The following ABL1 variants were observed in gnomAD, a reference collection of about 807,000 sequenced individuals.
ABL1 encodes tyrosine-protein kinase ABL1.
ABL1 carries 11 observed loss-of-function variants against 94.7 expected under a neutral mutation model. The observed-to-expected ratio is 0.12, with a 90% CI of 0.07 to 0.19. The LOEUF is 0.19. Ranked by LOEUF, ABL1 falls within the 10% of genes least tolerant of loss-of-function variation. ABL1 has a pLI of 1.00. For missense variants in ABL1, 1,082 were observed against 1,489.4 expected, an observed-to-expected ratio of 0.73 and a Z score of 4.50; for synonymous variants, 656 against 622.4, an observed-to-expected ratio of 1.05 and a Z score of -0.80.
intron 4 of ABL1, among the ~76,000 whole-genome samples, chr9:130,871,348 G>T: frequency 6.6e-6 from 1 of 152,218 alleles, no homozygotes; most frequent in East Asian, 1.9e-4. Flanking sequence ...CTTGACCCCA[G>T]ACTGAAAAGA....
chr9:130,746,335 A>G (rs532951311), intron 1 of ABL1, among the ~76,000 whole-genome samples: 35 of 151,804 alleles, frequency 2.3e-4, no homozygotes, highest in Non-Finnish European at 4.7e-4. Context: ...GACTTTTTCA[A>G]TGTATGGTTT....
intron 1 of ABL1, among the ~76,000 whole-genome samples, chr9:130,815,239 C>G (rs1830268500): frequency 6.6e-6 from 1 of 152,160 alleles, no homozygotes; most frequent in Non-Finnish European, 1.5e-5. Flanking sequence ...GAGGCTGAGG[C>G]AGGAGAATCG....
intron 1 of ABL1, among the ~76,000 whole-genome samples, chr9:130,716,616 C>T (rs1428144174): frequency 1.3e-5 from 2 of 152,058 alleles, no homozygotes; most frequent in East Asian, 3.9e-4. Context: ...GCCATTTTTA[C>T]TTGAAACTAT....
At chr9:130,790,813 T>A (rs548698655) in intron 1 of ABL1, among the ~76,000 whole-genome samples, 2 of 152,018 alleles carry the variant, frequency 1.3e-5, no homozygotes, top group Admixed American at 6.6e-5. Context: ...AAAAGGCCCA[T>A]GCAAGTCCTG....
chr9:130,732,714 G>A (rs935234110), intron 1 of ABL1, among the ~76,000 whole-genome samples: 77 of 151,962 alleles, frequency 5.1e-4, no homozygotes, highest in Admixed American at 1.6e-3. Context: ...GTAAAATCCC[G>A]GGGGTCTGGT....
chr9:130,740,165 AT>A (rs1231406225), intron 1 of ABL1, among the ~76,000 whole-genome samples: 3 of 152,234 alleles, frequency 2.0e-5, no homozygotes, highest in African/African-American at 7.2e-5. Flanking sequence ...CAATGCTCAG[AT>A]TCGCCATTTA....
At chr9:130,873,484 T>C (rs1367018530) in intron 6 of ABL1, among the ~76,000 whole-genome samples, 1 of 152,228 alleles carries the variant, frequency 6.6e-6, no homozygotes, top group African/African-American at 2.4e-5. Context: ...AACCAGTACA[T>C]GGCTTTTGTT....
chr9:130,875,829 T>TCTTCTC (rs1317256214), intron 7 of ABL1, among the ~76,000 whole-genome samples: 2 of 152,016 alleles, frequency 1.3e-5, no homozygotes, highest in Non-Finnish European at 2.9e-5. Flanking sequence ...TCCCCTCCTC[T>TCTTCTC]CTTCTCCTTC....
chr9:130,796,403 TG>T (rs1381107197), intron 1 of ABL1, among the ~76,000 whole-genome samples: 1 of 152,024 alleles, frequency 6.6e-6, no homozygotes. Context: ...CCCAGCTACT[TG>T]GAAGGCTGAG....
chr9:130,862,363 A>C lies in ABL1; in HGVS notation c.550-400A>C, dbSNP rs931504654. Reference sequence around the variant, plus strand: ...GAAATTATGAGCTAGTAGTGGGTCCATTGCTGAGAAGTAAGACAGGTGGTA... The same window carrying C: ...GAAATTATGAGCTAGTAGTGGGTCCCTTGCTGAGAAGTAAGACAGGTGGTA... On this transcript the variant is annotated intron_variant, in intron 3 of 10. Coordinates refer to ENST00000318560, the MANE Select transcript of ABL1 (RefSeq NM_005157.6). The surrounding 1 kb of genome is among the most constrained non-coding windows in gnomAD (Gnocchi z 5.5). 5.9e-5 allele frequency among the ~76,000 whole-genome samples: 9 copies of C among 152,184 alleles called. No homozygotes were observed. The highest frequency in any genetic ancestry group is 2.2e-4 in the African/African-American group (9 of 41,434).
At chr9:130,776,568 C>T (rs1233772613) in intron 1 of ABL1, among the ~76,000 whole-genome samples, 1 of 123,486 alleles carries the variant, frequency 8.1e-6, no homozygotes, top group African/African-American at 3.3e-5. Flanking sequence ...CAAAGTGAGA[C>T]TCTATCTCAA....
chr9:130,833,415 T>G (rs1830517200), upstream of ABL1, among the ~76,000 whole-genome samples: 1 of 152,298 alleles, frequency 6.6e-6, no homozygotes, highest in South Asian at 2.1e-4. Flanking sequence ...GTGTAGAGGT[T>G]GACAGATTCA....
chr9:130,841,064 G>A (rs1176640991), intron 1 of ABL1, among the ~76,000 whole-genome samples: 1 of 152,068 alleles, frequency 6.6e-6, no homozygotes, highest in East Asian at 1.9e-4. Flanking sequence ...GCCACATTGG[G>A]AGAAAAATTG....
chr9:130,825,519 C>T (rs1830414319), intron 1 of ABL1, among the ~76,000 whole-genome samples: 2 of 152,336 alleles, frequency 1.3e-5, no homozygotes, highest in Non-Finnish European at 2.9e-5. Flanking sequence ...TTTACCTCAT[C>T]ATAAATCTTA....
At chr9:130,733,718 A>G (rs928204654) in intron 1 of ABL1, among the ~76,000 whole-genome samples, 1 of 151,418 alleles carries the variant, frequency 6.6e-6, no homozygotes, top group Admixed American at 6.6e-5. Flanking sequence ...AGCTGGGACT[A>G]CAGGCGCCCG....
rs1247864519 is a variant in ABL1 at position 130,827,057 on chromosome 9, A to G, written c.137-27007A>G. On this transcript the variant is annotated intron_variant, in intron 1 of 10. Transcript: ENST00000372348. ...GGCGCCACTGCACTCCAGCCTGGGC[A>G]ACAGAGCAAGACTCCGCCTCAGAAA... Among the ~76,000 whole-genome samples, 9 of 152,206 alleles carry G rather than the reference A, an allele frequency of 5.9e-5. No homozygotes were observed. The East Asian group carries it at 9.7e-4, about 16-fold the overall frequency.
chr9:130,733,811 C>T (rs1409908984), intron 1 of ABL1, among the ~76,000 whole-genome samples: 1 of 151,872 alleles, frequency 6.6e-6, no homozygotes, highest in East Asian at 1.9e-4. Context: ...AGGATGGTCT[C>T]GATCTCCTGA....
Position 130,872,255 on chromosome 9 carries a change from A to C in ABL1, c.907+42A>C, listed in dbSNP as rs775310115. 6.4e-7 allele frequency: 1 copy of C among 1,574,214 alleles called. No homozygotes were observed. Among genetic ancestry groups the C allele is most frequent in the South Asian group, 1.1e-5 (1 of 89,088 alleles). ...CTCTGAAGAGAGGGTCTCGCGCCGCACCCCCAGGGTGACACAGGCGCTGGG... is the reference window on the plus strand; with the variant it reads ...CTCTGAAGAGAGGGTCTCGCGCCGCCCCCCCAGGGTGACACAGGCGCTGGG... On this transcript the variant is annotated intron_variant, in intron 5 of 10. Coordinates refer to ENST00000318560, the MANE Select transcript of ABL1 (RefSeq NM_005157.6). This position sits in a 1 kb window ranked among gnomAD's most constrained non-coding sequence, Gnocchi z 5.0.
rs71389339 is a variant in ABL1 at position 130,716,072 on chromosome 9, C to CTTTTTTT, written c.136+1643_136+1649dup. ...TATCCACTTTTCACTGAAAAATGTC[C>CTTTTTTT]TTTTTTTTTTTTTTTTTTTTTTTTT... is the stretch of plus-strand genomic sequence containing the variant. On this transcript the variant is annotated intron_variant, in intron 1 of 10. Coordinates refer to the ABL1 transcript ENST00000372348. 6.9e-4 allele frequency among the ~76,000 whole-genome samples: 63 copies of CTTTTTTT among 91,218 alleles called. 2 individuals are homozygous for CTTTTTTT. The highest frequency in any genetic ancestry group is 1.2e-3 in the Non-Finnish European group (51 of 42,688). 59.8% of individuals were successfully genotyped at this position (91,218 alleles called of 152,430 possible).
Sources: allele counts gnomAD v4.1 joint callset (sites outside exome capture counted in the v4.1 genomes callset), GRCh38; gene constraint gnomAD v4.1.1; non-coding constraint Gnocchi (gnomAD v3.1); transcripts MANE v1.5; gene names NCBI Gene and HGNC (gene_info 2026-07-23, HGNC 2026-07-21).